Variants in DIXDC1 observed in about 807,000 individuals in gnomAD.
DIXDC1 encodes dixin.
A neutral mutation model predicts 103.1 loss-of-function variants in DIXDC1; 64 were observed. That is an observed-to-expected ratio of 0.62 (90% confidence interval 0.51 to 0.76). DIXDC1 has a LOEUF of 0.76. DIXDC1 is among the 30% of genes least tolerant of loss of function. The pLI, the probability that DIXDC1 is intolerant of heterozygous loss-of-function variation, is 0.00. For synonymous variants in DIXDC1, 266 were observed against 298.5 expected (o/e 0.89, Z 1.12); for missense variants, 759 against 834.2 (o/e 0.91, Z 1.11).
At position 111,982,481 on chromosome 11, in the gene DIXDC1, A is replaced by G. The variant is rs1555173363; in HGVS notation, c.912A>G (p.Gly304=). 1 of 1,613,102 alleles carries G rather than the reference A, an allele frequency of 6.2e-7. No individual in the cohort carries two copies. Among genetic ancestry groups the G allele is most frequent in the South Asian group, 1.1e-5 (1 of 90,868 alleles). The change falls in exon 7 of 20, where the codon GGA becomes GGG. Residue 304 remains glycine, a synonymous_variant. Coordinates refer to ENST00000440460, the MANE Select transcript of DIXDC1 (RefSeq NM_001037954.4). ...AGGAAGCAAAGAAAATGATATCAGG[A>G]CTACAGGTAGCTCTCTCCCTTGTAG... is the stretch of plus-strand genomic sequence containing the variant. The part of the protein sequence containing the change: ...EMEEAKKMIS[G]LQALLLNGSL...
In DIXDC1 at chr11:111,993,549, A is replaced by G; in HGVS notation, c.1326A>G (p.Glu442=). 2 of 1,614,044 alleles carry G rather than the reference A, an allele frequency of 1.2e-6. No individual in the cohort carries two copies. Among genetic ancestry groups the G allele is most frequent in the Non-Finnish European group, 1.7e-6 (2 of 1,179,894 alleles). The change falls in exon 13 of 20, where the codon GAA becomes GAG. Residue 442 remains glutamate (E), a synonymous_variant. Transcript: ENST00000440460. ...TTCAGCAGCACCAGGCCAAGTTAGA[A>G]GAAGCACTCCGGAAACTCTCTGATG... ...RLLQQHQAKL[E]EALRKLSDVS... is the part of the protein sequence containing the mutation.
At chr11:111,969,762 G>T (rs1555171897) in intron 3 of DIXDC1, among the ~76,000 whole-genome samples, 1 of 152,184 alleles carries the variant, frequency 6.6e-6, no homozygotes, top group Non-Finnish European at 1.5e-5. Context: ...TCTGTGTTTA[G>T]ATCATTTAGA....
intron 8 of DIXDC1, among the ~76,000 whole-genome samples, chr11:111,985,776 A>T (rs1209655549): frequency 1.3e-5 from 2 of 151,846 alleles, no homozygotes; most frequent in African/African-American, 4.8e-5. Context: ...CTTGCTATGG[A>T]TTTCTAGATT....
At chr11:111,970,133 G>A (rs1341399508) in intron 3 of DIXDC1, among the ~76,000 whole-genome samples, 2 of 152,158 alleles carry the variant, frequency 1.3e-5, no homozygotes, top group Non-Finnish European at 2.9e-5. Flanking sequence ...TCACCTCACT[G>A]CAACGTCCGC....
chr11:112,011,724 G>T (rs1861426677), intron 17 of DIXDC1, among the ~76,000 whole-genome samples: 1 of 151,870 alleles, frequency 6.6e-6, no homozygotes, highest in Non-Finnish European at 1.5e-5. Flanking sequence ...AACACCGCAT[G>T]TCCTCACTCA....
intron 1 of DIXDC1, among the ~76,000 whole-genome samples, chr11:111,938,797 C>T (rs1249705861): frequency 6.6e-6 from 1 of 152,170 alleles, no homozygotes; most frequent in African/African-American, 2.4e-5. Context: ...AAATGCTGTC[C>T]CAACCTAACC....
intron 1 of DIXDC1, among the ~76,000 whole-genome samples, chr11:111,953,556 T>C (rs1966852306): frequency 6.6e-6 from 1 of 152,150 alleles, no homozygotes; most frequent in Non-Finnish European, 1.5e-5. Context: ...GAGAATTGCT[T>C]GAACCCGGGA....
intron 1 of DIXDC1, among the ~76,000 whole-genome samples, chr11:111,960,642 C>A (rs1462774667): frequency 6.6e-6 from 1 of 151,340 alleles, no homozygotes; most frequent in African/African-American, 2.4e-5. Flanking sequence ...ATACTTTTAA[C>A]TATTTTATGT....
intron 10 of DIXDC1, 74 bp from the exon 11 acceptor site, chr11:111,992,341 C>T (rs1239186564): frequency 1.5e-6 from 2 of 1,318,334 alleles, no homozygotes; most frequent in African/African-American, 2.9e-5. Flanking sequence ...ACATTAAAGG[C>T]TTTAGTAATT....
intron 17 of DIXDC1, among the ~76,000 whole-genome samples, chr11:111,996,744 T>A (rs915663160): frequency 1.3e-5 from 2 of 152,014 alleles, no homozygotes; most frequent in Non-Finnish European, 2.9e-5. Flanking sequence ...CAGCTACTCA[T>A]GAGGCTGAGG....
At position 112,021,348 on chromosome 11, in the gene DIXDC1, C is replaced by G. The variant is rs1861752669; in HGVS notation, c.*2312C>G. On this transcript the variant is annotated 3_prime_UTR_variant, in exon 20 of 20. Coordinates refer to ENST00000440460, the MANE Select transcript of DIXDC1 (RefSeq NM_001037954.4). ...CTAGAGGATGTAACTCTCATAACTCCTGTGTAAAATGAGGATCCTGTTGGT... is the reference window on the plus strand; with the variant it reads ...CTAGAGGATGTAACTCTCATAACTCGTGTGTAAAATGAGGATCCTGTTGGT... 1 of 152,150 alleles carries G rather than the reference C, an allele frequency of 6.6e-6. No homozygotes were observed. Among genetic ancestry groups the G allele is most frequent in the Admixed American group, 6.5e-5 (1 of 15,286 alleles). 9.4% of individuals were successfully genotyped at this position (152,150 alleles called of 1,614,324 possible).
At chr11:111,965,212 G>T (rs1472730610) in intron 2 of DIXDC1, among the ~76,000 whole-genome samples, 1 of 151,906 alleles carries the variant, frequency 6.6e-6, no homozygotes, top group African/African-American at 2.4e-5. Flanking sequence ...TGAACCCTGG[G>T]GTTGTTGACA....
chr11:111,981,588 G>A (rs1416120641), intron 6 of DIXDC1, among the ~76,000 whole-genome samples: 2 of 152,248 alleles, frequency 1.3e-5, no homozygotes, highest in African/African-American at 2.4e-5. Context: ...ACTGAGTGCC[G>A]CTCTGGGCCA....
chr11:111,993,433 G>A, intron 12 of DIXDC1, 63 bp from the exon 13 acceptor site: 4 of 1,572,226 alleles, frequency 2.5e-6, no homozygotes, highest in Non-Finnish European at 8.8e-7. Flanking sequence ...TTACACTGCA[G>A]AGGGTGAACT....
At chr11:111,930,519 A>T (rs1158899564) in intron 2 of DIXDC1, among the ~76,000 whole-genome samples, 1 of 152,206 alleles carries the variant, frequency 6.6e-6, no homozygotes, top group Non-Finnish European at 1.5e-5. Context: ...TATGCTGCAC[A>T]AACTTTTTAA....
intron 17 of DIXDC1, chr11:112,016,121 TA>T (rs374652896): frequency 0.031 from 4,405 of 141,906 alleles, 140 homozygotes; most frequent in African/African-American, 0.095. Context: ...GACCCTGTCT[TA>T]AAAAAAAAAA....
chr11:111,974,046 T>TC lies in DIXDC1; in HGVS notation c.341dup (p.Ile115TyrfsTer55). The stretch of plus-strand genomic sequence containing the variant: ...AGATATTGTGGATGGAAACCTGAAG[T>TC]CTATCATGAGGCTGGTCCTTGCCTT... On this transcript the variant is annotated frameshift_variant, in exon 4 of 20. Transcript: ENST00000440460. LOFTEE classifies it high-confidence loss of function. 2 of 1,613,900 alleles carry TC rather than the reference T, an allele frequency of 1.2e-6. No individual in the cohort carries two copies. The highest frequency in any genetic ancestry group is 2.2e-5 in the South Asian group (2 of 91,072).
In DIXDC1 at chr11:111,995,162, A is replaced by G. The variant is rs1261510064; in HGVS notation, c.1527+54A>G. On this transcript the variant is annotated intron_variant, in intron 15 of 19. Transcript: ENST00000440460. ...TGCCACTTCTCACTGAAACCAGAAG[A>G]GTGCCAAAGCCATGGCCAGTGGATG... The G allele has an allele frequency of 4.4e-6, 7 of 1,576,292 alleles. No homozygotes were observed. In the African/African-American group the frequency reaches 8.1e-5, roughly 18 times the overall value.
chr11:111,977,921 G>A lies in DIXDC1; in HGVS notation c.657-2816G>A. The stretch of plus-strand genomic sequence containing the variant: ...CATTATGTTGGGAGGACCGGCTGCT[G>A]ACCAGGGGTTATCACTATAAAATAC... On this transcript the variant is annotated intron_variant, in intron 5 of 19. Transcript: ENST00000440460. This position sits in a 1 kb window ranked among gnomAD's most constrained non-coding sequence, Gnocchi z 6.1. 7.6e-7 allele frequency: 1 copy of A among 1,322,458 alleles called. No individual in the cohort carries two copies. Among genetic ancestry groups the A allele is most frequent in the Non-Finnish European group, 1.0e-6 (1 of 990,934 alleles). 81.9% of individuals were successfully genotyped at this position (1,322,458 alleles called of 1,614,324 possible).
Sources: gnomAD v4.1 joint callset for allele counts (sites outside exome capture counted in the v4.1 genomes callset) on GRCh38, gnomAD v4.1.1 for gene constraint, Gnocchi (gnomAD v3.1) non-coding constraint, MANE v1.5 for transcripts, NCBI Gene and HGNC (gene_info 2026-07-23, HGNC 2026-07-21) for gene names.